The following DNAH6 variants were observed in gnomAD, a reference collection of about 807,000 sequenced individuals.
The protein encoded by DNAH6 is axonemal beta dynein heavy chain 6.
A neutral mutation model predicts 491.4 loss-of-function variants in DNAH6; 340 were observed. The ratio of observed to expected loss-of-function variants is 0.69; its 90% confidence interval spans 0.63 to 0.76. DNAH6 has a LOEUF of 0.76. Ranked by LOEUF, DNAH6 falls within the 30% of genes least tolerant of loss-of-function variation. DNAH6 has a pLI of 0.00. For synonymous variants in DNAH6, 1,603 were observed against 1,686.1 expected (o/e 0.95, Z 1.21); for missense variants, 4,443 against 4,972.2 (o/e 0.89, Z 3.20).
At chr2:84,720,722 A>G (rs1008272241) in intron 59 of DNAH6, among the ~76,000 whole-genome samples, 1 of 151,862 alleles carries the variant, frequency 6.6e-6, no homozygotes, top group Non-Finnish European at 1.5e-5. Flanking sequence ...TCTGCTTTCG[A>G]GCTCCCAAAA....
chr2:84,460,747 T>C, the DNAH6 span, among the ~76,000 whole-genome samples: 1 of 152,238 alleles, frequency 6.6e-6, no homozygotes, highest in Non-Finnish European at 1.5e-5. Context: ...TTTCAACCTC[T>C]TGTAATAACT....
intron 61 of DNAH6, among the ~76,000 whole-genome samples, chr2:84,729,751 A>G (rs753212232): frequency 6.6e-5 from 10 of 152,232 alleles, no homozygotes; most frequent in Non-Finnish European, 1.5e-4. Flanking sequence ...GGAAATTGGA[A>G]TGATTCTTGA....
At chr2:84,674,154 A>G (rs1037766216) in intron 40 of DNAH6, among the ~76,000 whole-genome samples, 3 of 152,196 alleles carry the variant, frequency 2.0e-5, no homozygotes, top group Admixed American at 1.3e-4. Context: ...CCCACCTACT[A>G]GCACCCAACA....
intron 63 of DNAH6, among the ~76,000 whole-genome samples, chr2:84,757,841 A>T (rs1430628295): frequency 6.6e-6 from 1 of 152,116 alleles, no homozygotes; most frequent in Non-Finnish European, 1.5e-5. Flanking sequence ...CTGAGAGACA[A>T]CTATCACCGG....
the DNAH6 span, among the ~76,000 whole-genome samples, chr2:84,477,197 G>A: frequency 6.6e-6 from 1 of 152,232 alleles, no homozygotes; most frequent in Non-Finnish European, 1.5e-5. Context: ...CAAAGAAACA[G>A]GTGGTGAGAA....
intron 33 of DNAH6, among the ~76,000 whole-genome samples, chr2:84,645,722 C>G (rs974954666): frequency 3.3e-5 from 5 of 152,126 alleles, no homozygotes; most frequent in African/African-American, 1.2e-4. Context: ...GATATTTACT[C>G]CAAGACTTGG....
intron 62 of DNAH6, among the ~76,000 whole-genome samples, chr2:84,737,810 T>C (rs965729102): frequency 6.6e-6 from 1 of 152,126 alleles, no homozygotes; most frequent in African/African-American, 2.4e-5. Context: ...TTGTATGGTT[T>C]TTGAGGTCTC....
chr2:84,720,632 C>T (rs1245085011), intron 59 of DNAH6, among the ~76,000 whole-genome samples: 2 of 152,062 alleles, frequency 1.3e-5, no homozygotes, highest in African/African-American at 2.4e-5. Flanking sequence ...TTTTATAAAT[C>T]GGGTGAGTTC....
chr2:84,503,815 G>A, the DNAH6 span, among the ~76,000 whole-genome samples: 5 of 151,386 alleles, frequency 3.3e-5, no homozygotes, highest in Non-Finnish European at 7.4e-5. Context: ...TACTGTTGTT[G>A]CTTTTAGGAT....
chr2:84,762,495 C>G (rs1399911177), intron 63 of DNAH6, among the ~76,000 whole-genome samples: 4 of 152,146 alleles, frequency 2.6e-5, no homozygotes, highest in Non-Finnish European at 5.9e-5. Flanking sequence ...ACAGCAGCTT[C>G]ATAAATAGAG....
intron 63 of DNAH6, among the ~76,000 whole-genome samples, chr2:84,750,134 A>AT (rs1673323154): frequency 6.7e-6 from 1 of 150,278 alleles, no homozygotes; most frequent in Admixed American, 6.6e-5. Flanking sequence ...ATTATTGTTA[A>AT]TTTTTTAGAT....
At position 84,785,609 on chromosome 2, in the gene DNAH6, G is replaced by A. The variant is rs971945440; in HGVS notation, c.10954-1G>A. On this transcript the variant is annotated splice_acceptor_variant, in intron 66 of 76. Coordinates refer to ENST00000389394, the MANE Select transcript of DNAH6 (RefSeq NM_001370.2). LOFTEE classifies it high-confidence loss of function. ...GCCACATATATTCTATCTAAATCCA[G>A]GTGACCAATGAGCCTCCAAAAGGCT... The A allele has an allele frequency of 6.5e-6, 10 of 1,526,886 alleles. No homozygotes were observed. The highest frequency in any genetic ancestry group is 2.8e-5 in the African/African-American group (2 of 71,234). 94.6% of individuals were successfully genotyped at this position (1,526,886 alleles called of 1,614,324 possible).
chr2:84,734,361 C>T (rs1429349110), intron 62 of DNAH6, among the ~76,000 whole-genome samples: 7 of 151,866 alleles, frequency 4.6e-5, no homozygotes, highest in East Asian at 3.9e-4. Context: ...AGGATGGTCT[C>T]GATCTCCTGA....
intron 31 of DNAH6, among the ~76,000 whole-genome samples, chr2:84,639,804 A>G (rs57080997): frequency 0.012 from 1,879 of 152,296 alleles, 42 homozygotes; most frequent in African/African-American, 0.043. Context: ...AACAGACACC[A>G]GTAAGAACTC....
chr2:84,760,147 CTA>C (rs1484593990), intron 63 of DNAH6, among the ~76,000 whole-genome samples: 1 of 152,086 alleles, frequency 6.6e-6, no homozygotes, highest in African/African-American at 2.4e-5. Context: ...CTATCTCTCA[CTA>C]TATACAAAAA....
At chr2:84,695,908 T>C (rs1052738056) in intron 46 of DNAH6, among the ~76,000 whole-genome samples, 20 of 152,054 alleles carry the variant, frequency 1.3e-4, no homozygotes, top group Non-Finnish European at 2.4e-4. Context: ...AAAAAGTTAC[T>C]ACATTCTGTT....
chr2:84,711,564 C>T (rs1235911764), intron 56 of DNAH6, among the ~76,000 whole-genome samples: 1 of 152,192 alleles, frequency 6.6e-6, no homozygotes, highest in Non-Finnish European at 1.5e-5. Flanking sequence ...AGACTCTGTT[C>T]TCAGTATTTT....
Position 84,604,433 on chromosome 2 carries a change from A to C in DNAH6, c.2963A>C (p.Glu988Ala). The C allele has an allele frequency of 6.4e-7, 1 of 1,552,042 alleles. No homozygotes were observed. The highest frequency in any genetic ancestry group is 8.7e-7 in the Non-Finnish European group (1 of 1,147,054). Residue 988 changes from glutamate to alanine, a missense_variant, in exon 19 of 77, where the codon GAA becomes GCA. This residue lies in a region of DNAH6 where 2,977 missense variants were observed against 3,296.6 expected (regional missense o/e 0.90). Transcript: ENST00000389394. ...GTTGATGCCACTCTAGTGGATGCTGAAATTCCATTAACCTTGGAGAGGCTC... is the reference window on the plus strand; with the variant it reads ...GTTGATGCCACTCTAGTGGATGCTGCAATTCCATTAACCTTGGAGAGGCTC... Reference protein sequence around the residue: ...QTVDATLVDAEIPLTLERLSQ... With the variant: ...QTVDATLVDAAIPLTLERLSQ...
the DNAH6 span, among the ~76,000 whole-genome samples, chr2:84,510,963 G>T: frequency 6.6e-6 from 1 of 152,186 alleles, no homozygotes; most frequent in South Asian, 2.1e-4. Flanking sequence ...ACCCGGCCGT[G>T]TGAGGTGTCA....
Sources: allele counts gnomAD v4.1 joint callset (sites outside exome capture counted in the v4.1 genomes callset), GRCh38; gene constraint gnomAD v4.1.1; regional missense constraint gnomAD v4.1.1; transcripts MANE v1.5; gene names NCBI Gene and HGNC (gene_info 2026-07-23, HGNC 2026-07-21).